PTPRC: variants seen among roughly 807,000 people sequenced by gnomAD.
PTPRC encodes protein tyrosine phosphatase receptor type C.
A neutral mutation model predicts 155.9 loss-of-function variants in PTPRC; 44 were observed. That is an observed-to-expected ratio of 0.28 (90% confidence interval 0.22 to 0.36). PTPRC has a LOEUF of 0.36. Ranked by LOEUF, PTPRC falls within the 10% of genes least tolerant of loss-of-function variation. The pLI is 1.00. For synonymous variants in PTPRC, 525 were observed against 533.1 expected, an observed-to-expected ratio of 0.98 and a Z score of 0.21; for missense variants, 1,401 against 1,564.6, an observed-to-expected ratio of 0.90 and a Z score of 1.76.
chr1:198,753,706 A>C (rs1054341110), intron 31 of PTPRC, among the ~76,000 whole-genome samples: 1 of 152,054 alleles, frequency 6.6e-6, no homozygotes, highest in African/African-American at 2.4e-5. Context: ...TTGAATCTTT[A>C]TGATAATGCT....
At chr1:198,679,110 C>A in intron 2 of PTPRC, 1 of 193,766 alleles carries the variant, frequency 5.2e-6, no homozygotes, top group Non-Finnish European at 1.1e-5. Flanking sequence ...GCCTCTGGGA[C>A]AGTTCAGGTC....
At chr1:198,643,633 C>G (rs923902858) in intron 2 of PTPRC, among the ~76,000 whole-genome samples, 1 of 151,864 alleles carries the variant, frequency 6.6e-6, no homozygotes, top group African/African-American at 2.4e-5. Flanking sequence ...CCTAAAAGTT[C>G]ATAGTTTGAG....
chr1:198,705,430 T>C (rs1044784366), intron 8 of PTPRC, among the ~76,000 whole-genome samples: 4 of 150,762 alleles, frequency 2.7e-5, no homozygotes, highest in African/African-American at 9.7e-5. Context: ...AGTTCTTTCT[T>C]TCTTTTTTTT....
intron 3 of PTPRC, among the ~76,000 whole-genome samples, chr1:198,695,614 T>C (rs191841229): frequency 4.6e-5 from 7 of 152,102 alleles, no homozygotes; most frequent in African/African-American, 1.4e-4. Context: ...GCAGAATTTT[T>C]TTTACCATTG....
chr1:198,718,908 C>T (rs2102447173), intron 14 of PTPRC, among the ~76,000 whole-genome samples: 1 of 152,116 alleles, frequency 6.6e-6, no homozygotes, highest in African/African-American at 2.4e-5. Context: ...TCACACACAC[C>T]TTTCTATGTT....
intron 16 of PTPRC, 32 bp from the exon 17 acceptor site, chr1:198,729,105 A>G (rs775974206): frequency 6.2e-7 from 1 of 1,607,496 alleles, no homozygotes; most frequent in Non-Finnish European, 8.5e-7. Flanking sequence ...GCTTCTTGAG[A>G]ATATAGAAAC....
At chr1:198,722,572 T>A in intron 15 of PTPRC, 96 bp downstream of exon 15, 1 of 609,160 alleles carries the variant, frequency 1.6e-6, no homozygotes, top group Non-Finnish European at 2.3e-6. Context: ...ATTTGATTGT[T>A]AAATGCTTAA....
Position 198,756,740 on chromosome 1 carries a change from T to C in PTPRC, c.*559T>C, listed in dbSNP as rs1655694667. 6.6e-6 allele frequency: 1 copy of C among 152,464 alleles called. No individual in the cohort carries two copies. Among genetic ancestry groups the C allele is most frequent in the Non-Finnish European group, 1.5e-5 (1 of 68,304 alleles). 9.4% of individuals were successfully genotyped at this position (152,464 alleles called of 1,614,324 possible). On this transcript the variant is annotated 3_prime_UTR_variant, in exon 33 of 33. Transcript: ENST00000442510. ...AGAGATAGTACATAAAGGTGGTATG[T>C]GTGTGTATGCTACTACAAAAAAGTT...
At chr1:198,692,043 A>T (rs1358548075) in intron 2 of PTPRC, among the ~76,000 whole-genome samples, 1 of 152,098 alleles carries the variant, frequency 6.6e-6, no homozygotes, top group Admixed American at 6.6e-5. Context: ...AAAAAGTTTC[A>T]AAAGTTTTTC....
intron 3 of PTPRC, chr1:198,695,270 C>T (rs1666139977): frequency 3.7e-6 from 3 of 804,580 alleles, no homozygotes; most frequent in Non-Finnish European, 3.0e-6. Flanking sequence ...TTCTCTCATT[C>T]TCTCCCTTTT....
Position 198,731,656 on chromosome 1 carries a change from C to A in PTPRC, c.1904C>A (p.Ala635Glu), listed in dbSNP as rs1461988340. The A allele has an allele frequency of 6.2e-7, 1 of 1,611,366 alleles. No individual in the cohort carries two copies. The highest frequency in any genetic ancestry group is 1.3e-5 in the African/African-American group (1 of 74,780). The change falls in exon 18 of 33, where the codon GCA becomes GAA. Residue 635 changes from alanine (A) to glutamate (E), a missense_variant. Ala to Glu is a moderately radical substitution (Grantham distance 107, BLOSUM62 -1). This residue lies in a region of PTPRC where 867 missense variants were observed against 970.4 expected (regional missense o/e 0.89). Coordinates refer to ENST00000442510, the MANE Select transcript of PTPRC (RefSeq NM_002838.5). ...CTGATGAATGTGGAGCCAATCCATG[C>A]AGATATTTTGTTGGAAACTTATAAG... Reference protein sequence around the residue: ...KQLMNVEPIHADILLETYKRK... With the variant: ...KQLMNVEPIHEDILLETYKRK...
intron 20 of PTPRC, 120 bp from the exon 21 acceptor site, chr1:198,734,076 A>T (rs1654515474): frequency 1.0e-6 from 1 of 957,536 alleles, no homozygotes. Context: ...GAAACTGCCC[A>T]GAGAAATTCA....
At chr1:198,753,266 T>G (rs1655468940) in intron 31 of PTPRC, among the ~76,000 whole-genome samples, 1 of 152,048 alleles carries the variant, frequency 6.6e-6, no homozygotes, top group Admixed American at 6.6e-5. Context: ...ACTCATTATT[T>G]AATTTTCTAA....
intron 2 of PTPRC, among the ~76,000 whole-genome samples, chr1:198,676,750 C>A (rs921682985): frequency 1.3e-5 from 2 of 152,048 alleles, no homozygotes; most frequent in Non-Finnish European, 2.9e-5. Context: ...AAAAGGAATA[C>A]GATAAAGTGC....
Position 198,756,422 on chromosome 1 carries a change from T to A in PTPRC, c.*241T>A. The A allele has an allele frequency of 5.6e-6, 3 of 538,046 alleles. No individual in the cohort carries two copies. 33.3% of individuals were successfully genotyped at this position (538,046 alleles called of 1,614,324 possible). A position where few individuals can be genotyped will look rare whatever the true frequency, so the allele number is the denominator to read the frequency against. ...TATTCAGTAAAAAACAACTTCTTTGTAATCGTTATGTGTGTATATGTATGT... is the reference window on the plus strand; with the variant it reads ...TATTCAGTAAAAAACAACTTCTTTGAAATCGTTATGTGTGTATATGTATGT... On this transcript the variant is annotated 3_prime_UTR_variant, in exon 33 of 33. Transcript: ENST00000442510.
At chr1:198,692,449 A>G in intron 3 of PTPRC, 76 bp downstream of exon 3, 1 of 1,185,426 alleles carries the variant, frequency 8.4e-7, no homozygotes, top group South Asian at 2.3e-5. Flanking sequence ...ACAATTTTCT[A>G]TTATTAACAC....
chr1:198,691,049 G>A (rs747310127), intron 2 of PTPRC, among the ~76,000 whole-genome samples: 1 of 151,996 alleles, frequency 6.6e-6, no homozygotes, highest in Non-Finnish European at 1.5e-5. Context: ...GTTTGCTACA[G>A]TTTTCCTCTT....
intron 2 of PTPRC, among the ~76,000 whole-genome samples, chr1:198,678,346 A>G (rs1665080876): frequency 6.6e-6 from 1 of 152,214 alleles, no homozygotes; most frequent in African/African-American, 2.4e-5. Flanking sequence ...TGTTCACTCA[A>G]CGTTTCTATT....
rs773824923 is a variant in PTPRC at position 198,718,302 on chromosome 1, G to A, written c.1659G>A (p.Lys553=). The A allele has an allele frequency of 6.2e-7, 1 of 1,603,636 alleles. No individual in the cohort carries two copies. Among genetic ancestry groups the A allele is most frequent in the Non-Finnish European group, 8.5e-7 (1 of 1,170,952 alleles). ...AATATTCAACAGACTACACTTTTAA[G>A]GTAAAAGTATGCTCTCTACATTACT... The part of the protein sequence containing the change: ...DLQYSTDYTF[K]AYFHNGDYPG... The change falls in exon 14 of 33, where the codon AAG becomes AAA. Residue 553 remains lysine, a splice_region_variant and synonymous_variant. Coordinates refer to ENST00000442510, the MANE Select transcript of PTPRC (RefSeq NM_002838.5).
Sources: allele counts gnomAD v4.1 joint callset (sites outside exome capture counted in the v4.1 genomes callset), GRCh38; gene constraint gnomAD v4.1.1; regional missense constraint gnomAD v4.1.1; transcripts MANE v1.5; gene names NCBI Gene and HGNC (gene_info 2026-07-23, HGNC 2026-07-21).